The following NCKAP5 variants were observed in gnomAD, a reference collection of about 807,000 sequenced individuals.
NCKAP5 encodes NCK associated protein 5.
NCKAP5 carries 92 observed loss-of-function variants against 167.0 expected under a neutral mutation model. The ratio of observed to expected loss-of-function variants is 0.55; its 90% CI spans 0.47 to 0.66. The LOEUF (loss-of-function observed/expected upper bound fraction) is 0.66. Among genes scored for constraint, NCKAP5 ranks in the 30% least tolerant of loss-of-function variants. The pLI, the probability that NCKAP5 is intolerant of heterozygous loss-of-function variation, is 0.00. For missense variants in NCKAP5, 2,378 were observed against 2,315.0 expected, an observed-to-expected ratio of 1.03 and a Z score of -0.56; for synonymous variants, 891 against 877.4, an observed-to-expected ratio of 1.02 and a Z score of -0.27.
intron 12 of NCKAP5, among the ~76,000 whole-genome samples, chr2:132,795,029 G>A (rs1395887927): frequency 9.2e-5 from 14 of 152,182 alleles, no homozygotes; most frequent in Non-Finnish European, 1.5e-5. Context: ...CAGGCACTGT[G>A]TATGCACATT....
intron 6 of NCKAP5, among the ~76,000 whole-genome samples, chr2:133,067,140 CA>C (rs1340236593): frequency 6.6e-6 from 1 of 152,168 alleles, no homozygotes; most frequent in East Asian, 1.9e-4. Context: ...GCTGGGATTA[CA>C]GGCATGAGCC....
intron 8 of NCKAP5, among the ~76,000 whole-genome samples, 190 bp downstream of exon 8, chr2:132,963,530 C>T (rs934961687): frequency 2.0e-5 from 3 of 152,126 alleles, no homozygotes; most frequent in Admixed American, 2.0e-4. Flanking sequence ...TTTAAAACAA[C>T]ATTAGGTCAA....
intron 5 of NCKAP5, among the ~76,000 whole-genome samples, chr2:133,161,039 G>T (rs1014056155): frequency 6.6e-6 from 1 of 152,124 alleles, no homozygotes; most frequent in African/African-American, 2.4e-5. Flanking sequence ...TGCCACCTGA[G>T]CTCTGCCTCC....
intron 8 of NCKAP5, among the ~76,000 whole-genome samples, chr2:132,881,455 A>C (rs1450309538): frequency 2.6e-5 from 4 of 151,616 alleles, no homozygotes; most frequent in African/African-American, 4.8e-5. Context: ...GATTACAGAC[A>C]TGAGCCATTG....
chr2:133,028,651 A>C (rs1166279405), intron 6 of NCKAP5, among the ~76,000 whole-genome samples: 1 of 152,202 alleles, frequency 6.6e-6, no homozygotes, highest in Non-Finnish European at 1.5e-5. Flanking sequence ...TCCTAAGGCA[A>C]CTGCTTTAAC....
chr2:132,719,577 G>A (rs1689713187), intron 19 of NCKAP5, among the ~76,000 whole-genome samples: 1 of 152,234 alleles, frequency 6.6e-6, no homozygotes, highest in African/African-American at 2.4e-5. Flanking sequence ...GCACTTCGGT[G>A]GCAGTGAGGA....
chr2:133,460,082 G>T (rs549674240), intron 3 of NCKAP5, among the ~76,000 whole-genome samples: 18 of 152,288 alleles, frequency 1.2e-4, no homozygotes, highest in African/African-American at 4.3e-4. Flanking sequence ...TTAGTTTTAT[G>T]ATTTTAAATT....
At chr2:133,337,475 T>C (rs188342096) in intron 3 of NCKAP5, among the ~76,000 whole-genome samples, 58 of 152,354 alleles carry the variant, frequency 3.8e-4, no homozygotes, top group African/African-American at 1.3e-3. Context: ...GTAAAGTTCA[T>C]ACATTACCCC....
At chr2:133,560,566 C>A (rs1688081970) in intron 1 of NCKAP5, among the ~76,000 whole-genome samples, 1 of 152,104 alleles carries the variant, frequency 6.6e-6, no homozygotes, top group Admixed American at 6.6e-5. Flanking sequence ...AGAAGAGAAC[C>A]TTCCCCAGAA....
chr2:133,582,965 T>C, the NCKAP5 span, among the ~76,000 whole-genome samples: 4 of 152,340 alleles, frequency 2.6e-5, no homozygotes, highest in African/African-American at 9.6e-5. Flanking sequence ...TCATACCCCC[T>C]GTTTCTGAGG....
intron 6 of NCKAP5, among the ~76,000 whole-genome samples, chr2:132,995,124 G>A (rs1195242159): frequency 6.6e-6 from 1 of 152,072 alleles, no homozygotes; most frequent in African/African-American, 2.4e-5. Flanking sequence ...TGTACACTGT[G>A]AACACTGTAC....
chr2:133,248,704 G>T (rs1177652796), intron 4 of NCKAP5, among the ~76,000 whole-genome samples: 1 of 152,198 alleles, frequency 6.6e-6, no homozygotes, highest in Non-Finnish European at 1.5e-5. Context: ...ATTCTCTTCA[G>T]TGTAGAGTTG....
chr2:133,426,202 G>A (rs1010102938), intron 3 of NCKAP5, among the ~76,000 whole-genome samples: 1 of 151,984 alleles, frequency 6.6e-6, no homozygotes, highest in Non-Finnish European at 1.5e-5. Flanking sequence ...CCCAGGAGGC[G>A]GAGGTTGTGG....
At chr2:133,534,468 T>C (rs1325730472) in intron 2 of NCKAP5, among the ~76,000 whole-genome samples, 1 of 152,066 alleles carries the variant, frequency 6.6e-6, no homozygotes, top group Non-Finnish European at 1.5e-5. Context: ...AGAAACCCCA[T>C]ACGCATCAGC....
intron 8 of NCKAP5, among the ~76,000 whole-genome samples, chr2:132,915,900 C>A (rs187002236): frequency 3.3e-5 from 5 of 151,784 alleles, no homozygotes; most frequent in Admixed American, 1.3e-4. Flanking sequence ...ATTTATAATA[C>A]GGTAAATTTG....
At chr2:132,834,940 G>A (rs2105385442) in intron 11 of NCKAP5, among the ~76,000 whole-genome samples, 1 of 152,272 alleles carries the variant, frequency 6.6e-6, no homozygotes, top group Middle Eastern at 3.4e-3. Flanking sequence ...GTAGGATGCT[G>A]GCTGTGTGTT....
chr2:133,219,903 C>T (rs541136311), intron 4 of NCKAP5, among the ~76,000 whole-genome samples: 2 of 151,958 alleles, frequency 1.3e-5, no homozygotes, highest in Non-Finnish European at 2.9e-5. Context: ...AATAAATGGC[C>T]CTGTCTTTTT....
chr2:133,280,201 C>T (rs934631708), intron 4 of NCKAP5, among the ~76,000 whole-genome samples: 1 of 152,112 alleles, frequency 6.6e-6, no homozygotes, highest in Non-Finnish European at 1.5e-5. Context: ...AAAATTCTCC[C>T]TCATGTACAC....
intron 4 of NCKAP5, among the ~76,000 whole-genome samples, chr2:133,291,962 T>C (rs1371252793): frequency 6.6e-6 from 1 of 152,158 alleles, no homozygotes; most frequent in Admixed American, 6.5e-5. Context: ...AAAAAATGCA[T>C]TTTGTATTTC....
Sources: gnomAD v4.1 joint callset for allele counts (sites outside exome capture counted in the v4.1 genomes callset) on GRCh38, gnomAD v4.1.1 for gene constraint, MANE v1.5 for transcripts, NCBI Gene and HGNC (gene_info 2026-07-23, HGNC 2026-07-21) for gene names.